The following CEP85 variants were observed in gnomAD, a reference collection of about 807,000 sequenced individuals.
CEP85 encodes the protein centrosomal protein of 85 kDa.
In CEP85, 58 loss-of-function variants were observed where a neutral mutation model predicts 93.7. The observed-to-expected ratio is 0.62, with a 90% CI of 0.50 to 0.77. The LOEUF (loss-of-function observed/expected upper bound fraction) is 0.77, where lower values mean the gene tolerates loss of function less well. CEP85 is among the 30% of genes least tolerant of loss of function. The pLI is 0.00. For synonymous variants in CEP85, 314 were observed against 338.6 expected, an observed-to-expected ratio of 0.93 and a Z score of 0.80; for missense variants, 868 against 922.0, an observed-to-expected ratio of 0.94 and a Z score of 0.76.
intron 1 of CEP85, among the ~76,000 whole-genome samples, chr1:26,236,564 G>A (rs373118056): frequency 1.2e-4 from 18 of 152,164 alleles, no homozygotes; most frequent in African/African-American, 3.9e-4. Flanking sequence ...CTTAAGTCAA[G>A]AATGATTTAT....
intron 8 of CEP85, chr1:26,269,232 A>G: frequency 5.6e-6 from 3 of 535,640 alleles, no homozygotes; most frequent in Non-Finnish European, 1.0e-5. Flanking sequence ...ACATAGCAGT[A>G]GGGACTACCT....
At chr1:26,252,958 G>GT (rs1370210972) in intron 3 of CEP85, among the ~76,000 whole-genome samples, 10 of 151,768 alleles carry the variant, frequency 6.6e-5, no homozygotes, top group Admixed American at 1.3e-4. Flanking sequence ...ATGTGTCGAG[G>GT]TTTTTTTTAG....
In CEP85 at chr1:26,258,278, G is replaced by T; in HGVS notation, c.1155+18G>T. On this transcript the variant is annotated intron_variant, in intron 6 of 13. Transcript: ENST00000451429. Reference sequence around the variant, plus strand: ...GGCTACAGGTAAGTATTGGCCATCAGGATGGCATTCTGTTTGTCATAACTC... The same window carrying T: ...GGCTACAGGTAAGTATTGGCCATCATGATGGCATTCTGTTTGTCATAACTC... The T allele has an allele frequency of 3.3e-6, 5 of 1,497,780 alleles. No individual in the cohort carries two copies. The highest frequency in any genetic ancestry group is 4.7e-6 in the Non-Finnish European group (5 of 1,074,168). The allele number at this position is 1,497,780 out of a possible 1,614,324, so 92.8% of individuals were successfully genotyped here. A position where few individuals can be genotyped will look rare whatever the true frequency, so the allele number is the denominator to read the frequency against.
At chr1:26,261,791 A>G (rs190935938) in intron 7 of CEP85, among the ~76,000 whole-genome samples, 1 of 152,082 alleles carries the variant, frequency 6.6e-6, no homozygotes, top group East Asian at 1.9e-4. Context: ...AAAGTTGCCC[A>G]TATAATACGT....
At chr1:26,241,839 G>C (rs550708597) in intron 2 of CEP85, among the ~76,000 whole-genome samples, 2 of 151,592 alleles carry the variant, frequency 1.3e-5, no homozygotes, top group Admixed American at 1.3e-4. Context: ...TCAGCTCACT[G>C]CAACTTCTGT....
At chr1:26,255,060 G>T in intron 3 of CEP85, 111 bp from the exon 4 acceptor site, 1 of 821,130 alleles carries the variant, frequency 1.2e-6, no homozygotes, top group South Asian at 1.7e-5. Context: ...TTTGATGATG[G>T]TGCTCTCTCT....
intron 3 of CEP85, among the ~76,000 whole-genome samples, chr1:26,250,914 C>CTTTT (rs1246918932): frequency 8.6e-6 from 1 of 116,922 alleles, no homozygotes; most frequent in African/African-American, 3.3e-5. Flanking sequence ...CCAAGCTTGC[C>CTTTT]TTTTTTTTTT....
chr1:26,277,023 T>TA (rs2090063472), intron 13 of CEP85, 113 bp from the exon 14 acceptor site: 7 of 1,177,478 alleles, frequency 5.9e-6, no homozygotes, highest in Non-Finnish European at 7.3e-6. Flanking sequence ...ATGCTTTTTT[T>TA]AAAGTGCATG....
chr1:26,275,491 G>T (rs1295892886), intron 12 of CEP85, among the ~76,000 whole-genome samples: 1 of 152,132 alleles, frequency 6.6e-6, no homozygotes, highest in Non-Finnish European at 1.5e-5. Flanking sequence ...ATGTTGGCCA[G>T]AATGGTCTTC....
chr1:26,251,617 G>A (rs759433347), intron 3 of CEP85, among the ~76,000 whole-genome samples: 1 of 152,104 alleles, frequency 6.6e-6, no homozygotes, highest in African/African-American at 2.4e-5. Context: ...CTATTATGAG[G>A]CTTCTACCCT....
rs112127457 is a variant in CEP85, at chr1:26,244,227, G to A, written c.117G>A (p.Ser39=). The change falls in exon 3 of 14, where the codon TCG becomes TCA. Residue 39 remains serine, a synonymous_variant. Coordinates refer to ENST00000451429, the MANE Select transcript of CEP85 (RefSeq NM_001319944.2). ...LGTEWQTPVI[S]EPFRSRFSRC... is the part of the protein sequence containing the mutation. ...CTGAATGGCAGACCCCAGTTATCTC[G>A]GAGCCCTTTCGGAGCCGCTTCAGCC... 10 of 1,613,744 alleles carry A rather than the reference G, an allele frequency of 6.2e-6. No homozygotes were observed. The highest frequency in any genetic ancestry group is 5.3e-5 in the African/African-American group (4 of 74,978).
chr1:26,259,849 C>A, intron 7 of CEP85, 47 bp downstream of exon 7: 1 of 1,490,030 alleles, frequency 6.7e-7, no homozygotes, highest in Non-Finnish European at 9.1e-7. Flanking sequence ...AGTTGGCAGT[C>A]AGCTGTCTAC....
Position 26,255,651 on chromosome 1 carries a change from G to A in CEP85, c.689G>A (p.Gly230Asp). The change falls in exon 4 of 14, where the codon GGC becomes GAC. Residue 230 changes from glycine (G) to aspartate (D), a missense_variant. Physicochemically the swap from Gly to Asp is moderately conservative, Grantham distance 94. Coordinates refer to ENST00000451429, the MANE Select transcript of CEP85 (RefSeq NM_001319944.2). ...TTGCCTGAGGCCAAGAAGGCACCGG[G>A]CAGCGGGGCAGTGTTTGAGCGGAAT... ...RVLPEAKKAP[G>D]SGAVFERNGP... 6.2e-7 allele frequency: 1 copy of A among 1,614,094 alleles called. No individual in the cohort carries two copies. Among genetic ancestry groups the A allele is most frequent in the African/African-American group, 1.3e-5 (1 of 75,028 alleles).
At chr1:26,239,221 G>C (rs148462298) in intron 1 of CEP85, among the ~76,000 whole-genome samples, 1 of 152,264 alleles carries the variant, frequency 6.6e-6, no homozygotes, top group African/African-American at 2.4e-5. Flanking sequence ...TTCTATACTG[G>C]ATTTGGGAAG....
At position 26,259,695 on chromosome 1, in the gene CEP85, C is replaced by T; in HGVS notation, c.1234C>T (p.Leu412Phe). ...TEALSREKIDLEKKLSASEVE... is the reference protein window; with the variant it reads ...TEALSREKIDFEKKLSASEVE... ...AGCCTTGAGCAGAGAAAAGATTGAC[C>T]TTGAAAAGAAACTCTCTGCTTCTGA... The change falls in exon 7 of 14, where the codon CTT becomes TTT. Residue 412 changes from leucine to phenylalanine, a missense_variant. Leu to Phe is a conservative substitution (Grantham distance 22). Coordinates refer to ENST00000451429, the MANE Select transcript of CEP85 (RefSeq NM_001319944.2). The T allele has an allele frequency of 6.2e-7, 1 of 1,614,114 alleles. No homozygotes were observed. Among genetic ancestry groups the T allele is most frequent in the South Asian group, 1.1e-5 (1 of 91,078 alleles).
intron 1 of CEP85, among the ~76,000 whole-genome samples, chr1:26,236,210 TGAG>T: frequency 6.6e-6 from 1 of 152,304 alleles, no homozygotes; most frequent in South Asian, 2.1e-4. Flanking sequence ...ATCCATAAAA[TGAG>T]GATAATAGTA....
intron 11 of CEP85, among the ~76,000 whole-genome samples, chr1:26,272,900 A>G (rs1182045896): frequency 2.6e-5 from 4 of 152,052 alleles, no homozygotes; most frequent in Non-Finnish European, 5.9e-5. Context: ...AAGTGCTGGG[A>G]TTACAGGCGT....
chr1:26,234,267 A>T lies in CEP85; in HGVS notation c.-66A>T, dbSNP rs1042061365. On this transcript the variant is annotated 5_prime_UTR_variant, in exon 1 of 14. Coordinates refer to ENST00000451429, the MANE Select transcript of CEP85 (RefSeq NM_001319944.2). ...CACCGCAGACGTGGTGGCTGCAGTC[A>T]GTCTTCCCGAGTGAGGGATTTCGCC... is the stretch of plus-strand genomic sequence containing the variant. 1.3e-5 allele frequency: 2 copies of T among 152,236 alleles called. No individual in the cohort carries two copies. Among genetic ancestry groups the T allele is most frequent in the African/African-American group, 2.4e-5 (1 of 41,458 alleles). The allele number at this position is 152,236 out of a possible 1,614,324, so 9.4% of individuals were successfully genotyped here. A position where few individuals can be genotyped will look rare whatever the true frequency, so the allele number is the denominator to read the frequency against.
intron 1 of CEP85, among the ~76,000 whole-genome samples, chr1:26,234,726 G>A (rs1218274106): frequency 1.3e-5 from 2 of 152,208 alleles, no homozygotes; most frequent in African/African-American, 4.8e-5. Flanking sequence ...GGATCTAGTC[G>A]GAGAGGTCAG....
Sources: gnomAD v4.1 joint callset for allele counts (sites outside exome capture counted in the v4.1 genomes callset) on GRCh38, gnomAD v4.1.1 for gene constraint, MANE v1.5 for transcripts, NCBI Gene and HGNC (gene_info 2026-07-23, HGNC 2026-07-21) for gene names.